ARHGEF10L: variants seen among roughly 807,000 people sequenced by gnomAD.
ARHGEF10L encodes rho guanine nucleotide exchange factor 10-like protein.
A neutral mutation model predicts 141.2 loss-of-function variants in ARHGEF10L; 69 were observed. That is an observed-to-expected ratio of 0.49 (90% confidence interval 0.40 to 0.60). The LOEUF is 0.60. Among genes scored for constraint, ARHGEF10L ranks in the 20% least tolerant of loss-of-function variants. The pLI is 0.00. For synonymous variants in ARHGEF10L, 711 were observed against 718.5 expected (o/e 0.99, Z 0.17); for missense variants, 1,482 against 1,734.3 (o/e 0.85, Z 2.58).
intron 26 of ARHGEF10L, among the ~76,000 whole-genome samples, chr1:17,684,591 A>G (rs1370196160): frequency 2.0e-5 from 3 of 152,134 alleles, no homozygotes; most frequent in Non-Finnish European, 4.4e-5. Flanking sequence ...CCAATCTGAG[A>G]CAGGAGACAG....
rs555838493 is a variant in ARHGEF10L, at chr1:17,570,167, C to T, written c.-43-10386C>T. 2.0e-5 allele frequency among the ~76,000 whole-genome samples: 3 copies of T among 152,328 alleles called. No individual in the cohort carries two copies. The South Asian group carries it at 6.2e-4, about 32-fold the overall frequency. On this transcript the variant is annotated intron_variant, in intron 1 of 28. Transcript: ENST00000361221. The stretch of plus-strand genomic sequence containing the variant: ...GGGTCGCCTGTGTGTCAGGCCTGTG[C>T]CATGGGTGCAGATAAGAGCGGTGAA...
chr1:17,526,723 G>A, the ARHGEF10L span, among the ~76,000 whole-genome samples: 1 of 152,152 alleles, frequency 6.6e-6, no homozygotes, highest in Non-Finnish European at 1.5e-5. Flanking sequence ...GGGCAACATG[G>A]CGAAACCCCG....
At chr1:17,614,622 A>G (rs1443610795) in intron 8 of ARHGEF10L, among the ~76,000 whole-genome samples, 2 of 152,022 alleles carry the variant, frequency 1.3e-5, no homozygotes, top group Non-Finnish European at 2.9e-5. Flanking sequence ...CCCAACAAGA[A>G]GAAGATGAGC....
chr1:17,663,825 A>G (rs2062796020), intron 25 of ARHGEF10L, among the ~76,000 whole-genome samples: 1 of 152,190 alleles, frequency 6.6e-6, no homozygotes, highest in African/African-American at 2.4e-5. Context: ...GCAAGTTAGT[A>G]GTAGCAGAAC....
chr1:17,594,008 C>A (rs2079841192), intron 4 of ARHGEF10L, among the ~76,000 whole-genome samples: 1 of 150,390 alleles, frequency 6.6e-6, no homozygotes, highest in African/African-American at 2.5e-5. Context: ...TATTCCCCTG[C>A]CCTTCCCTTG....
chr1:17,622,004 C>T lies in ARHGEF10L; in HGVS notation c.1020+63C>T, dbSNP rs553740362. ...AAGCAGGGAGGGCCCTGGAGGGTAA[C>T]TTTATACGGAGTGTTTGGGGACTGT... On this transcript the variant is annotated intron_variant, in intron 11 of 28. Coordinates refer to ENST00000361221, the MANE Select transcript of ARHGEF10L (RefSeq NM_018125.4). 8 of 1,565,200 alleles carry T rather than the reference C, an allele frequency of 5.1e-6. No individual in the cohort carries two copies. In the Admixed American group the frequency reaches 1.0e-4, roughly 20 times the overall value.
chr1:17,523,588 A>C, the ARHGEF10L span, among the ~76,000 whole-genome samples: 1 of 152,156 alleles, frequency 6.6e-6, no homozygotes. Flanking sequence ...AGAAAGTTGA[A>C]AGCGCACTTC....
intron 1 of ARHGEF10L, among the ~76,000 whole-genome samples, chr1:17,571,826 G>A (rs2078014561): frequency 6.6e-6 from 1 of 152,176 alleles, no homozygotes; most frequent in Non-Finnish European, 1.5e-5. Flanking sequence ...GAACCACCAT[G>A]TCTGGCCACA....
chr1:17,540,916 C>A (rs1181989596), intron 1 of ARHGEF10L, among the ~76,000 whole-genome samples: 1 of 152,200 alleles, frequency 6.6e-6, no homozygotes, highest in Non-Finnish European at 1.5e-5. Flanking sequence ...CATAGCTCTT[C>A]CCAGCATCCG....
rs972625346 is a variant in ARHGEF10L, at chr1:17,625,687, CT to C, written c.1318-268del. ...GAAGTCTGACATCTTGAATAAATTG[CT>C]GAGTTTCCCAGTTATGCCTTTAGTT... On this transcript the variant is annotated intron_variant, in intron 13 of 28. Coordinates refer to ENST00000361221, the MANE Select transcript of ARHGEF10L (RefSeq NM_018125.4). This position sits in a 1 kb window ranked among gnomAD's most constrained non-coding sequence, Gnocchi z 4.5. 2.0e-5 allele frequency among the ~76,000 whole-genome samples: 3 copies of C among 152,302 alleles called. No individual in the cohort carries two copies. The highest frequency in any genetic ancestry group is 7.2e-5 in the African/African-American group (3 of 41,558).
In ARHGEF10L at chr1:17,621,807, C is replaced by A; in HGVS notation, c.943-57C>A. On this transcript the variant is annotated intron_variant, in intron 10 of 28. Transcript: ENST00000361221. This position sits in a 1 kb window ranked among gnomAD's most constrained non-coding sequence, Gnocchi z 4.1. Reference sequence around the variant, plus strand: ...TAGTTGTCAGCTCCCCTTCCTGTCACTTGGGCCCTGTGCAGCAGGTGTCAT... The same window carrying A: ...TAGTTGTCAGCTCCCCTTCCTGTCAATTGGGCCCTGTGCAGCAGGTGTCAT... 8.8e-7 allele frequency: 1 copy of A among 1,134,648 alleles called. No individual in the cohort carries two copies. The highest frequency in any genetic ancestry group is 1.2e-6 in the Non-Finnish European group (1 of 814,858). The allele number at this position is 1,134,648 out of a possible 1,614,324, so 70.3% of individuals were successfully genotyped here. A position where few individuals can be genotyped will look rare whatever the true frequency, so the allele number is the denominator to read the frequency against.
chr1:17,695,994 T>C (rs10888050), intron 28 of ARHGEF10L, among the ~76,000 whole-genome samples: 118,127 of 151,878 alleles, frequency 0.78, 46,629 homozygotes, highest in South Asian at 0.89. Flanking sequence ...CTCAGGAGTT[T>C]GAGACCAGCC....
intron 4 of ARHGEF10L, among the ~76,000 whole-genome samples, 169 bp from the exon 5 acceptor site, chr1:17,601,958 G>A (rs1242193700): frequency 6.6e-6 from 1 of 152,208 alleles, no homozygotes. Flanking sequence ...GCCTTCTAAA[G>A]ATGAGGAGCC....
At chr1:17,523,794 C>A in the ARHGEF10L span, among the ~76,000 whole-genome samples, 4 of 152,296 alleles carry the variant, frequency 2.6e-5, no homozygotes, top group South Asian at 6.2e-4. Flanking sequence ...TCTCTGGTGG[C>A]CTGGGTCACA....
rs760176324 is a variant in ARHGEF10L, at chr1:17,607,844, G to C, written c.476G>C (p.Gly159Ala). The C allele has an allele frequency of 6.3e-7, 1 of 1,593,330 alleles. No individual in the cohort carries two copies. The highest frequency in any genetic ancestry group is 8.5e-7 in the Non-Finnish European group (1 of 1,170,986). The change falls in exon 7 of 29, where the codon GGG (glycine) becomes GCG (alanine). Residue 159 changes from glycine (G) to alanine (A), a missense_variant. Gly to Ala is a moderately conservative substitution (Grantham distance 60, BLOSUM62 0). This residue lies in a region of ARHGEF10L where 232 missense variants were observed against 225.9 expected (regional missense o/e 1.03). Coordinates refer to ENST00000361221, the MANE Select transcript of ARHGEF10L (RefSeq NM_018125.4). This position sits in a 1 kb window ranked among gnomAD's most constrained non-coding sequence, Gnocchi z 4.5. ...CTCTACGAGGATGCGCACCGGGCTG[G>C]GGCCCCTCGGCAGGCGGAGGACCTA... ...NLLYEDAHRA[G>A]APRQAEDLGW...
intron 26 of ARHGEF10L, among the ~76,000 whole-genome samples, chr1:17,686,061 T>C (rs2064545401): frequency 6.6e-6 from 1 of 151,788 alleles, no homozygotes; most frequent in Admixed American, 6.6e-5. Flanking sequence ...TTTGGTGTGT[T>C]TGTTTTGTTT....
chr1:17,563,524 T>G (rs1382994667), intron 1 of ARHGEF10L, among the ~76,000 whole-genome samples: 2 of 152,202 alleles, frequency 1.3e-5, no homozygotes, highest in African/African-American at 4.8e-5. Context: ...CATGAGCCAC[T>G]GTGCCCAGGC....
chr1:17,638,993 C>T (rs2061177455), intron 20 of ARHGEF10L, among the ~76,000 whole-genome samples: 1 of 152,224 alleles, frequency 6.6e-6, no homozygotes, highest in Non-Finnish European at 1.5e-5. Flanking sequence ...GTGTCCTTTT[C>T]AGTCACTTCA....
chr1:17,546,855 G>A (rs774309124), intron 1 of ARHGEF10L, among the ~76,000 whole-genome samples: 7 of 152,210 alleles, frequency 4.6e-5, no homozygotes, highest in Admixed American at 3.9e-4. Context: ...CATAATTGCA[G>A]AGTGGCAGGC....
Sources: allele counts gnomAD v4.1 joint callset (sites outside exome capture counted in the v4.1 genomes callset), GRCh38; gene constraint gnomAD v4.1.1; regional missense constraint gnomAD v4.1.1; non-coding constraint Gnocchi (gnomAD v3.1); transcripts MANE v1.5; gene names NCBI Gene and HGNC (gene_info 2026-07-23, HGNC 2026-07-21).